Variants in CORO2A observed in about 807,000 individuals in gnomAD.
The protein encoded by CORO2A is coronin 2A, also known as coronin-2A.
CORO2A carries 47 observed loss-of-function variants against 62.4 expected under a neutral mutation model. The ratio of observed to expected loss-of-function variants is 0.75; its 90% CI spans 0.60 to 0.96. The LOEUF is 0.96. CORO2A is among the 40% of genes least tolerant of loss of function. The pLI is 0.00. For synonymous variants in CORO2A, 273 were observed against 268.9 expected, an observed-to-expected ratio of 1.02 and a Z score of -0.15; for missense variants, 610 against 684.1, an observed-to-expected ratio of 0.89 and a Z score of 1.21.
intron 2 of CORO2A, among the ~76,000 whole-genome samples, chr9:98,154,329 G>GTGTATATATATATATATATATA (rs1439685527): frequency 7.0e-4 from 62 of 88,898 alleles, no homozygotes; most frequent in African/African-American, 1.1e-3. Context: ...GTGTTTGTGT[G>GTGTATATATATATATATATATA]TATATATATA....
intron 2 of CORO2A, among the ~76,000 whole-genome samples, chr9:98,139,094 A>C (rs1295609699): frequency 6.6e-6 from 1 of 151,114 alleles, no homozygotes; most frequent in Non-Finnish European, 1.5e-5. Context: ...ACATTCATGG[A>C]GACAGAAGGC....
intron 8 of CORO2A, among the ~76,000 whole-genome samples, 194 bp downstream of exon 8, chr9:98,129,600 A>G (rs1237807458): frequency 6.6e-6 from 1 of 152,018 alleles, no homozygotes; most frequent in Admixed American, 6.6e-5. Context: ...GCCTTCCCTG[A>G]CTTCCTCCTT....
At chr9:98,131,544 C>T (rs369184780) in intron 6 of CORO2A, among the ~76,000 whole-genome samples, 23 of 152,166 alleles carry the variant, frequency 1.5e-4, no homozygotes, top group African/African-American at 5.5e-4. Context: ...GTCTCGAATT[C>T]GTGGCCTCAA....
chr9:98,128,552 T>A (rs1827360428), intron 9 of CORO2A, 55 bp downstream of exon 9: 1 of 1,507,254 alleles, frequency 6.6e-7, no homozygotes, highest in Admixed American at 1.7e-5. Context: ...CCTGGGTCTG[T>A]CTTCTCCAGG....
At chr9:98,144,432 T>C (rs1827615123) in intron 2 of CORO2A, among the ~76,000 whole-genome samples, 1 of 152,168 alleles carries the variant, frequency 6.6e-6, no homozygotes, top group African/African-American at 2.4e-5. Context: ...GGTCTGCTCT[T>C]GCTGTCCTCA....
intron 4 of CORO2A, among the ~76,000 whole-genome samples, chr9:98,133,849 G>T (rs753628241): frequency 4.6e-5 from 7 of 152,186 alleles, no homozygotes; most frequent in Non-Finnish European, 1.0e-4. Context: ...AACCTCCTGG[G>T]CTCAAGTGAT....
chr9:98,159,922 C>T lies in CORO2A; in HGVS notation c.1-2262G>A, dbSNP rs558136370. Among the ~76,000 whole-genome samples the T allele has an allele frequency of 3.2e-3, 483 of 152,260 alleles. 3 individuals are homozygous for T. Among genetic ancestry groups the T allele is most frequent in the African/African-American group, 0.011 (468 of 41,550 alleles). ...TACGCTGGTCAAGATAAAGAAGATGCTCACCCAGCCCACACGGCTGACCCA... is the reference window on the plus strand; with the variant it reads ...TACGCTGGTCAAGATAAAGAAGATGTTCACCCAGCCCACACGGCTGACCCA... On this transcript the variant is annotated intron_variant, in intron 1 of 11. Transcript: ENST00000375077.
At chr9:98,162,797 A>G (rs1588007297) in intron 1 of CORO2A, among the ~76,000 whole-genome samples, 1 of 152,226 alleles carries the variant, frequency 6.6e-6, no homozygotes, top group Non-Finnish European at 1.5e-5. Context: ...GTATCCGTGC[A>G]TGCATGACTT....
intron 9 of CORO2A, 24 bp from the exon 10 acceptor site, chr9:98,128,284 AG>A (rs758476447): frequency 6.3e-7 from 1 of 1,590,896 alleles, no homozygotes; most frequent in South Asian, 1.1e-5. Context: ...CCAGACAGTG[AG>A]GAGGGTGGTA....
chr9:98,127,012 A>G (rs1827331411), intron 10 of CORO2A, 189 bp from the exon 11 acceptor site: 1 of 632,656 alleles, frequency 1.6e-6, no homozygotes, highest in Non-Finnish European at 2.8e-6. Flanking sequence ...ACAAATACCC[A>G]CGTGTGCCAC....
At chr9:98,132,836 C>T (rs35737296) in intron 5 of CORO2A, among the ~76,000 whole-genome samples, 18 of 152,226 alleles carry the variant, frequency 1.2e-4, no homozygotes, top group Non-Finnish European at 2.2e-4. Flanking sequence ...TCATCTCTCA[C>T]GGGCCTCAGT....
At chr9:98,144,265 C>T (rs973220389) in intron 2 of CORO2A, among the ~76,000 whole-genome samples, 18 of 152,114 alleles carry the variant, frequency 1.2e-4, no homozygotes, top group African/African-American at 4.1e-4. Context: ...CCAGTGCCAG[C>T]TGCGTTGCTC....
intron 1 of CORO2A, among the ~76,000 whole-genome samples, chr9:98,180,104 G>A (rs908692832): frequency 6.6e-6 from 1 of 152,158 alleles, no homozygotes; most frequent in East Asian, 1.9e-4. Flanking sequence ...ACGTCAGTGC[G>A]TCAGTGCTAA....
At chr9:98,130,681 C>T (rs897184974) in intron 7 of CORO2A, among the ~76,000 whole-genome samples, 2 of 152,198 alleles carry the variant, frequency 1.3e-5, no homozygotes, top group African/African-American at 4.8e-5. Flanking sequence ...ACCTGTTCTG[C>T]CCCCAGTTTA....
At chr9:98,172,697 C>T (rs1828055061) in intron 1 of CORO2A, 1 of 152,302 alleles carries the variant, frequency 6.6e-6, no homozygotes, top group African/African-American at 2.4e-5. Flanking sequence ...TCTGCAACAG[C>T]TGGCAGGAGA....
chr9:98,154,543 A>G (rs941133256), intron 2 of CORO2A, among the ~76,000 whole-genome samples: 12 of 152,018 alleles, frequency 7.9e-5, no homozygotes, highest in Non-Finnish European at 1.8e-4. Context: ...GATGCTTTCC[A>G]GTCGTAACCC....
rs905412697 is a variant in CORO2A at position 98,173,937 on chromosome 9, A to T, written c.1-16277T>A. On this transcript the variant is annotated intron_variant, in intron 1 of 11. Coordinates refer to ENST00000375077, the MANE Select transcript of CORO2A (RefSeq NM_052820.4). ...TTCGAGACTAGCCTGACCAACATGG[A>T]GAAACCCCGTCTTTACTAAAAATAC... is the stretch of plus-strand genomic sequence containing the variant. 2.0e-5 allele frequency among the ~76,000 whole-genome samples: 3 copies of T among 152,148 alleles called. No individual in the cohort carries two copies. In the East Asian group the frequency reaches 5.8e-4, roughly 29 times the overall value.
At chr9:98,125,972 C>A (rs1263228772) in intron 11 of CORO2A, among the ~76,000 whole-genome samples, 1 of 151,286 alleles carries the variant, frequency 6.6e-6, no homozygotes, top group African/African-American at 2.4e-5. Flanking sequence ...CCCGCCTTGG[C>A]CTACCAAAGT....
chr9:98,135,848 C>T (rs1827478510), intron 3 of CORO2A, among the ~76,000 whole-genome samples: 2 of 152,172 alleles, frequency 1.3e-5, no homozygotes, highest in South Asian at 4.1e-4. Flanking sequence ...TAGTGACAGG[C>T]TCCAGATACT....
Sources: allele counts gnomAD v4.1 joint callset (sites outside exome capture counted in the v4.1 genomes callset), GRCh38; gene constraint gnomAD v4.1.1; transcripts MANE v1.5; gene names NCBI Gene and HGNC (gene_info 2026-07-23, HGNC 2026-07-21).